Variants in FCHO1 observed in about 807,000 individuals in gnomAD.
FCHO1 encodes F-BAR domain only protein 1.
Under a neutral mutation model 114.4 loss-of-function variants are expected in FCHO1, and 45 were observed. The ratio of observed to expected loss-of-function variants is 0.39; its 90% CI spans 0.31 to 0.50. FCHO1 has a LOEUF of 0.50. Among genes scored for constraint, FCHO1 ranks in the 20% least tolerant of loss-of-function variants. The pLI is 0.77. For synonymous variants in FCHO1, 480 were observed against 488.9 expected, an observed-to-expected ratio of 0.98 and a Z score of 0.24; for missense variants, 1,042 against 1,209.6, an observed-to-expected ratio of 0.86 and a Z score of 2.06.
chr19:17,778,862 G>A lies in FCHO1; in HGVS notation c.1605G>A (p.Gly535=). 3 of 1,566,596 alleles carry A rather than the reference G, an allele frequency of 1.9e-6. No individual in the cohort carries two copies. Among genetic ancestry groups the A allele is most frequent in the Non-Finnish European group, 2.6e-6 (3 of 1,164,122 alleles). The change falls in exon 20 of 29, where the codon GGG becomes GGA. Residue 535 remains glycine, a synonymous_variant. Coordinates refer to ENST00000596536, the MANE Select transcript of FCHO1 (RefSeq NM_015122.3). ...TCGCCTCGTCTCCAGGCCCCTGGGGGCTGGAGGCCTTGGCCGGAGGAGGTG... is the reference window on the plus strand; with the variant it reads ...TCGCCTCGTCTCCAGGCCCCTGGGGACTGGAGGCCTTGGCCGGAGGAGGTG... ...QPLASSPGPW[G]LEALAGGDLM...
Position 17,784,608 on chromosome 19 carries a change from ACTGGAC to A in FCHO1, c.2227-115_2227-110del. 16 of 972,428 alleles carry A rather than the reference ACTGGAC, an allele frequency of 1.6e-5. No individual in the cohort carries two copies. The highest frequency in any genetic ancestry group is 2.6e-5 in the Non-Finnish European group (16 of 612,302). The allele number at this position is 972,428 out of a possible 1,614,324, so 60.2% of individuals were successfully genotyped here. A position where few individuals can be genotyped will look rare whatever the true frequency, so the allele number is the denominator to read the frequency against. Reference sequence around the variant, plus strand: ...CTCTCATCCATCAAATCTCCCTGTGACTGGACCCCCTTGGGGCGGTGCGTGCATCGC... The same window carrying A: ...CTCTCATCCATCAAATCTCCCTGTGACCCCTTGGGGCGGTGCGTGCATCGC... On this transcript the variant is annotated intron_variant, in intron 25 of 28. Coordinates refer to ENST00000596536, the MANE Select transcript of FCHO1 (RefSeq NM_015122.3). The surrounding 1 kb of genome is among the most constrained non-coding windows in gnomAD (Gnocchi z 5.3).
intron 4 of FCHO1, among the ~76,000 whole-genome samples, chr19:17,755,964 T>G (rs1193043090): frequency 3.3e-5 from 5 of 152,104 alleles, no homozygotes; most frequent in African/African-American, 9.7e-5. Context: ...GAACAGGGAC[T>G]CCTCCTGCAG....
chr19:17,762,788 C>A lies in FCHO1; in HGVS notation c.54C>A (p.Val18=), dbSNP rs2086863878. The A allele has an allele frequency of 6.2e-7, 1 of 1,613,862 alleles. No individual in the cohort carries two copies. The highest frequency in any genetic ancestry group is 1.3e-5 in the African/African-American group (1 of 74,904). Residue 18 remains valine, a synonymous_variant, in exon 5 of 29, where the codon GTC becomes GTA. Transcript: ENST00000596536. ...GCGAGAAAAATCATGGCTTTGAGGT[C>A]CTGTACCACAGCGTGAAGCAGGGGC... ...FWGEKNHGFE[V]LYHSVKQGPI...
intron 13 of FCHO1, 64 bp from the exon 14 acceptor site, chr19:17,774,992 G>A: frequency 6.3e-7 from 1 of 1,585,724 alleles, no homozygotes; most frequent in Non-Finnish European, 8.7e-7. Context: ...CAGTGTTGGG[G>A]GCTGACAGGG....
At chr19:17,787,970 G>A in intron 28 of FCHO1, 124 bp downstream of exon 28, 1 of 1,237,408 alleles carries the variant, frequency 8.1e-7, no homozygotes, top group South Asian at 1.5e-5. Context: ...GTTGGGGCCA[G>A]GAGACCCCAG....
intron 5 of FCHO1, among the ~76,000 whole-genome samples, chr19:17,764,112 T>C (rs2146649220): frequency 6.6e-6 from 1 of 151,620 alleles, no homozygotes; most frequent in East Asian, 2.0e-4. Context: ...CGATCTCAGC[T>C]CACCGCAACC....
chr19:17,787,708 G>C lies in FCHO1; in HGVS notation c.2509G>C (p.Glu837Gln), dbSNP rs1157144538. 1.3e-6 allele frequency: 2 copies of C among 1,568,598 alleles called. No homozygotes were observed. The highest frequency in any genetic ancestry group is 4.6e-5 in the East Asian group (2 of 43,344). Reference protein sequence around the residue: ...GGSGRLSASWEPLSGPSTPSP... With the variant: ...GGSGRLSASWQPLSGPSTPSP... Reference sequence around the variant, plus strand: ...TTCTGGCCGCCTCTCTGCCAGCTGGGAGCCGCTCTCAGGGCCCAGCACACC... The same window carrying C: ...TTCTGGCCGCCTCTCTGCCAGCTGGCAGCCGCTCTCAGGGCCCAGCACACC... Residue 837 changes from glutamate (E) to glutamine (Q), a missense_variant, in exon 28 of 29, where the codon GAG becomes CAG. Coordinates refer to ENST00000596536, the MANE Select transcript of FCHO1 (RefSeq NM_015122.3).
At chr19:17,779,672 T>C (rs1165746422) in intron 20 of FCHO1, among the ~76,000 whole-genome samples, 1 of 49,014 alleles carries the variant, frequency 2.0e-5, no homozygotes, top group Non-Finnish European at 3.8e-5. Context: ...GGGAGGAGGA[T>C]GGGGAAGGGA....
intron 3 of FCHO1, 127 bp from the exon 4 acceptor site, chr19:17,754,991 G>C: frequency 1.4e-6 from 1 of 718,986 alleles, no homozygotes. Context: ...GTCCTGGCAT[G>C]CTCTTAGCAT....
At chr19:17,769,381 C>T (rs191749923) in intron 7 of FCHO1, among the ~76,000 whole-genome samples, 118 of 151,688 alleles carry the variant, frequency 7.8e-4, no homozygotes, top group Admixed American at 1.4e-3. Context: ...TCGAGACCAT[C>T]CTGACTAACA....
intron 20 of FCHO1, among the ~76,000 whole-genome samples, chr19:17,779,258 A>G (rs1297221698): frequency 6.6e-6 from 1 of 152,064 alleles, no homozygotes; most frequent in South Asian, 2.1e-4. Context: ...CGGGGTGATC[A>G]CGGAAGGAGG....
chr19:17,785,970 C>CA (rs2093848055), intron 26 of FCHO1, among the ~76,000 whole-genome samples: 1 of 149,822 alleles, frequency 6.7e-6, no homozygotes, highest in African/African-American at 2.5e-5. Flanking sequence ...TCTTAAAAAA[C>CA]AAAAATTTAA....
Position 17,776,944 on chromosome 19 carries a change from C to T in FCHO1, c.1259+258C>T, listed in dbSNP as rs2092705732. On this transcript the variant is annotated intron_variant, in intron 18 of 28. Transcript: ENST00000596536. The surrounding 1 kb of genome is among the most constrained non-coding windows in gnomAD (Gnocchi z 4.4). Reference sequence around the variant, plus strand: ...TCCTAAGTAGCTGAGATTACAGGCACCCACCACCACGCCCAGCTAACTTTT... The same window carrying T: ...TCCTAAGTAGCTGAGATTACAGGCATCCACCACCACGCCCAGCTAACTTTT... Among the ~76,000 whole-genome samples the T allele has an allele frequency of 6.6e-6, 1 of 151,926 alleles. No individual in the cohort carries two copies. Among genetic ancestry groups the T allele is most frequent in the Non-Finnish European group, 1.5e-5 (1 of 67,972 alleles).
In FCHO1 at chr19:17,759,226, C is replaced by CTTTTTTTTTTTTTTTTTT. The variant is rs1473282318; in HGVS notation, c.28-3522_28-3521insTTTTTTTTTTTTTTTTTT. Among the ~76,000 whole-genome samples, 15 of 105,914 alleles carry CTTTTTTTTTTTTTTTTTT rather than the reference C, an allele frequency of 1.4e-4. 1 individual carries two copies. Among genetic ancestry groups the CTTTTTTTTTTTTTTTTTT allele is most frequent in the South Asian group, 3.2e-4 (1 of 3,090 alleles). The allele number at this position is 105,914 out of a possible 152,430, so 69.5% of individuals were successfully genotyped here. A position where few individuals can be genotyped will look rare whatever the true frequency, so the allele number is the denominator to read the frequency against. On this transcript the variant is annotated intron_variant, in intron 4 of 28. Coordinates refer to ENST00000596536, the MANE Select transcript of FCHO1 (RefSeq NM_015122.3). Reference sequence around the variant, plus strand: ...GTTCCCTCAGACCCCAGCTGATTACCTTTTTTTTTTTTTTGAGACAGAGTC... The same window carrying CTTTTTTTTTTTTTTTTTT: ...GTTCCCTCAGACCCCAGCTGATTACCTTTTTTTTTTTTTTTTTTTTTTTTTTTTTTTTGAGACAGAGTC...
chr19:17,756,345 A>G (rs969741291), intron 4 of FCHO1, among the ~76,000 whole-genome samples: 2 of 152,176 alleles, frequency 1.3e-5, no homozygotes, highest in Admixed American at 1.3e-4. Context: ...AATGGAGGTG[A>G]CCATTTGAGG....
intron 6 of FCHO1, 42 bp downstream of exon 6, chr19:17,764,491 C>A: frequency 6.5e-7 from 1 of 1,532,408 alleles, no homozygotes; most frequent in Non-Finnish European, 8.9e-7. Flanking sequence ...CATTGGGAGC[C>A]TCCTCCTTGG....
intron 6 of FCHO1, among the ~76,000 whole-genome samples, chr19:17,765,188 G>A (rs974031361): frequency 6.6e-6 from 1 of 152,132 alleles, no homozygotes; most frequent in Non-Finnish European, 1.5e-5. Flanking sequence ...GGCAGGCCAT[G>A]GGGATGTCTG....
upstream of FCHO1, among the ~76,000 whole-genome samples, chr19:17,750,497 C>T (rs2081615192): frequency 6.6e-6 from 1 of 152,192 alleles, no homozygotes; most frequent in South Asian, 2.1e-4. Context: ...CTCTCTCTGT[C>T]ACCCAGGCTG....
At chr19:17,786,365 C>T (rs933725475) in intron 26 of FCHO1, among the ~76,000 whole-genome samples, 1 of 146,416 alleles carries the variant, frequency 6.8e-6, no homozygotes, top group South Asian at 2.1e-4. Flanking sequence ...AAAACAAACA[C>T]ACACACACAC....
Sources: gnomAD v4.1 joint callset for allele counts (sites outside exome capture counted in the v4.1 genomes callset) on GRCh38, gnomAD v4.1.1 for gene constraint, Gnocchi (gnomAD v3.1) non-coding constraint, MANE v1.5 for transcripts, NCBI Gene and HGNC (gene_info 2026-07-23, HGNC 2026-07-21) for gene names.